DOCK2: variants seen among roughly 807,000 people sequenced by gnomAD.
DOCK2 encodes dedicator of cytokinesis protein 2.
Under a neutral mutation model 248.9 loss-of-function variants are expected in DOCK2, and 87 were observed. The observed-to-expected ratio is 0.35, with a 90% confidence interval of 0.29 to 0.42. The LOEUF (loss-of-function observed/expected upper bound fraction) is 0.42. Among genes scored for constraint, DOCK2 ranks in the 10% least tolerant of loss-of-function variants. DOCK2 has a pLI of 1.00. For missense variants in DOCK2, 1,747 were observed against 2,300.2 expected, an observed-to-expected ratio of 0.76 and a Z score of 4.92; for synonymous variants, 805 against 821.6, an observed-to-expected ratio of 0.98 and a Z score of 0.35.
intron 30 of DOCK2, among the ~76,000 whole-genome samples, chr5:169,996,992 G>A (rs1157684295): frequency 1.3e-5 from 2 of 152,110 alleles, no homozygotes; most frequent in African/African-American, 2.4e-5. Flanking sequence ...GGGACCCGGG[G>A]AACCAGTGTT....
At chr5:169,713,469 G>A (rs1217097303) in intron 17 of DOCK2, among the ~76,000 whole-genome samples, 1 of 151,952 alleles carries the variant, frequency 6.6e-6, no homozygotes, top group Non-Finnish European at 1.5e-5. Flanking sequence ...ACTCTGCTAT[G>A]TATTCTATAT....
intron 27 of DOCK2, among the ~76,000 whole-genome samples, chr5:169,859,958 C>CTTTTTTTTTTTTTTT (rs759586059): frequency 8.4e-5 from 9 of 107,220 alleles, no homozygotes; most frequent in African/African-American, 1.1e-4. Flanking sequence ...GTGGATCCTT[C>CTTTTTTTTTTTTTTT]TTTTTTTTTT....
intron 27 of DOCK2, among the ~76,000 whole-genome samples, chr5:169,974,158 C>T (rs930600799): frequency 1.3e-5 from 2 of 152,194 alleles, no homozygotes; most frequent in African/African-American, 4.8e-5. Context: ...TCTAGGCAAC[C>T]TATATCCCCT....
At chr5:170,050,474 C>T (rs1017406015) in intron 41 of DOCK2, 77 bp downstream of exon 41, 2 of 1,518,032 alleles carry the variant, frequency 1.3e-6, no homozygotes, top group African/African-American at 2.8e-5. Context: ...AAAGACCCAC[C>T]TTAGAGCTCA....
chr5:170,042,255 C>T, intron 38 of DOCK2, 123 bp downstream of exon 38: 2 of 1,173,854 alleles, frequency 1.7e-6, no homozygotes, highest in East Asian at 5.6e-5. Context: ...TAACTCTGAT[C>T]ACTTCTCTCC....
At chr5:169,929,118 C>T (rs927947729) in intron 27 of DOCK2, among the ~76,000 whole-genome samples, 2 of 152,172 alleles carry the variant, frequency 1.3e-5, no homozygotes, top group African/African-American at 4.8e-5. Context: ...TGAAAGGGAA[C>T]CAGAGTGCCT....
chr5:169,801,812 C>T (rs1767006313), intron 25 of DOCK2, among the ~76,000 whole-genome samples: 1 of 142,398 alleles, frequency 7.0e-6, no homozygotes, highest in South Asian at 2.2e-4. Flanking sequence ...ATTGGTTTTG[C>T]TTTTTTTTTT....
intron 27 of DOCK2, among the ~76,000 whole-genome samples, chr5:169,899,832 T>G (rs1391785527): frequency 6.6e-6 from 1 of 152,248 alleles, no homozygotes; most frequent in Non-Finnish European, 1.5e-5. Context: ...TCTTACTTTC[T>G]TTACTCTCAG....
chr5:169,711,852 G>T (rs1171083333), intron 15 of DOCK2, 83 bp from the exon 16 acceptor site: 3 of 1,458,556 alleles, frequency 2.1e-6, no homozygotes, highest in African/African-American at 1.4e-5. Flanking sequence ...AAATGGTCAG[G>T]CTGCTGTGGA....
intron 25 of DOCK2, among the ~76,000 whole-genome samples, chr5:169,802,379 A>G (rs527527599): frequency 6.6e-6 from 1 of 152,330 alleles, no homozygotes; most frequent in South Asian, 2.1e-4. Flanking sequence ...CCATGCTGGT[A>G]AATGAAAGCA....
intron 9 of DOCK2, among the ~76,000 whole-genome samples, chr5:169,692,820 C>T (rs1017482010): frequency 5.9e-5 from 9 of 152,168 alleles, no homozygotes; most frequent in Non-Finnish European, 1.0e-4. Flanking sequence ...AGATGACTGT[C>T]TTCTCCCTGA....
chr5:169,813,291 C>T (rs888605658), intron 26 of DOCK2, among the ~76,000 whole-genome samples: 10 of 152,264 alleles, frequency 6.6e-5, no homozygotes, highest in South Asian at 6.2e-4. Flanking sequence ...AAAAACTTCC[C>T]GATGAGCTGG....
chr5:170,046,732 G>C (rs1011630729), intron 39 of DOCK2, among the ~76,000 whole-genome samples: 5 of 151,858 alleles, frequency 3.3e-5, no homozygotes, highest in African/African-American at 9.7e-5. Context: ...CCTCCACATA[G>C]ATGTTTGCCA....
intron 27 of DOCK2, among the ~76,000 whole-genome samples, chr5:169,909,287 A>G (rs879117439): frequency 5.9e-5 from 9 of 152,342 alleles, no homozygotes; most frequent in Admixed American, 2.6e-4. Context: ...CTAATAGCCC[A>G]GTGTTGCTGG....
At chr5:169,857,660 A>T (rs1561768872) in intron 27 of DOCK2, among the ~76,000 whole-genome samples, 1 of 152,000 alleles carries the variant, frequency 6.6e-6, no homozygotes, top group Non-Finnish European at 1.5e-5. Context: ...AAGATGGAAA[A>T]ATTGCTCTTT....
Position 170,047,510 on chromosome 5 carries a change from A to G in DOCK2, c.3967A>G (p.Ile1323Val), listed in dbSNP as rs892946325. The change falls in exon 40 of 52, where the codon ATC becomes GTC. Residue 1323 changes from isoleucine (I) to valine (V), a missense_variant and splice_region_variant. Around this residue, in one of 4 missense-constraint regions of DOCK2, gnomAD observed 858 missense variants for 1,183.5 expected, o/e 0.72. Transcript: ENST00000520908. ...FDYELLSQNL[I>V]QQAKFYESIM... ...AACAAACCTTGTTTTCTTCCTTTAGATCCAGCAGGCAAAATTCTATGAAAG... is the reference window on the plus strand; with the variant it reads ...AACAAACCTTGTTTTCTTCCTTTAGGTCCAGCAGGCAAAATTCTATGAAAG... The G allele has an allele frequency of 6.2e-7, 1 of 1,613,510 alleles. No individual in the cohort carries two copies. Among genetic ancestry groups the G allele is most frequent in the Non-Finnish European group, 8.5e-7 (1 of 1,179,730 alleles).
intron 22 of DOCK2, among the ~76,000 whole-genome samples, chr5:169,745,920 G>A (rs1472480571): frequency 1.3e-5 from 2 of 152,130 alleles, no homozygotes; most frequent in African/African-American, 4.8e-5. Context: ...GTTAGCAGAG[G>A]GAGCTATGGA....
rs1323750445 is a variant in DOCK2, at chr5:169,684,346, A to G, written c.757A>G (p.Ile253Val). The G allele has an allele frequency of 1.2e-6, 2 of 1,614,188 alleles. No individual in the cohort carries two copies. The highest frequency in any genetic ancestry group is 1.3e-5 in the African/African-American group (1 of 75,074). ...CTACGACCCCAACAAGCAAACGGTC[A>G]TAAGGTAGGTGTGTCCAGGGTTGCC... ...SLYDPNKQTV[I>V]SENYLVRWGS... The change falls in exon 8 of 52, where the codon ATA becomes GTA. Residue 253 changes from isoleucine (I) to valine (V), a missense_variant. This residue lies in a region of DOCK2 where 375 missense variants were observed against 510.9 expected (regional missense o/e 0.73). Coordinates refer to ENST00000520908, the MANE Select transcript of DOCK2 (RefSeq NM_004946.3).
intron 34 of DOCK2, among the ~76,000 whole-genome samples, chr5:170,033,182 C>T (rs1400925831): frequency 6.6e-6 from 1 of 152,172 alleles, no homozygotes; most frequent in African/African-American, 2.4e-5. Flanking sequence ...AAATAGTCAT[C>T]AAACAAAATT....
Sources: allele counts gnomAD v4.1 joint callset (sites outside exome capture counted in the v4.1 genomes callset), GRCh38; gene constraint gnomAD v4.1.1; regional missense constraint gnomAD v4.1.1; transcripts MANE v1.5; gene names NCBI Gene and HGNC (gene_info 2026-07-23, HGNC 2026-07-21).